CD34: variants seen among roughly 807,000 people sequenced by gnomAD.
CD34 encodes the protein hematopoietic progenitor cell antigen CD34.
Under a neutral mutation model 40.1 loss-of-function variants are expected in CD34, and 34 were observed. The observed-to-expected ratio is 0.85, with a 90% CI of 0.65 to 1.13. CD34 has a LOEUF of 1.13. Among genes scored for constraint, CD34 ranks in the 50% most tolerant of loss-of-function variants. The pLI is 0.00. For synonymous variants in CD34, 209 were observed against 190.0 expected (o/e 1.10, Z -0.82); for missense variants, 426 against 466.9 (o/e 0.91, Z 0.81).
intron 1 of CD34, among the ~76,000 whole-genome samples, chr1:207,901,122 G>A (rs543856784): frequency 6.6e-6 from 1 of 151,056 alleles, no homozygotes; most frequent in African/African-American, 2.4e-5. Context: ...CTCCTGTCTT[G>A]GCCTCCCAAA....
chr1:207,910,894 A>C, intron 1 of CD34, 108 bp downstream of exon 1: 2 of 1,137,276 alleles, frequency 1.8e-6, no homozygotes, highest in Non-Finnish European at 2.5e-6. Flanking sequence ...TGGGTTGGGC[A>C]GGGGTCCCTT....
chr1:207,897,156 A>G (rs1329625329), intron 4 of CD34, among the ~76,000 whole-genome samples: 2 of 152,220 alleles, frequency 1.3e-5, no homozygotes, highest in Non-Finnish European at 1.5e-5. Flanking sequence ...TTTCTTAACC[A>G]AAAAGCAACT....
At chr1:207,892,129 C>T (rs1662049855) in intron 4 of CD34, among the ~76,000 whole-genome samples, 1 of 145,024 alleles carries the variant, frequency 6.9e-6, no homozygotes, top group African/African-American at 2.5e-5. Flanking sequence ...AACTCAGTTT[C>T]TACCTCCTCA....
intron 1 of CD34, among the ~76,000 whole-genome samples, chr1:207,909,194 C>T (rs1008386340): frequency 1.3e-5 from 2 of 152,170 alleles, no homozygotes; most frequent in African/African-American, 4.8e-5. Context: ...GCATATCAGT[C>T]CAAAGTTTTG....
At chr1:207,907,210 A>G (rs566212614) in intron 1 of CD34, among the ~76,000 whole-genome samples, 37 of 152,124 alleles carry the variant, frequency 2.4e-4, no homozygotes, top group African/African-American at 8.2e-4. Context: ...AATATTAGAC[A>G]TTACTGTGCT....
chr1:207,894,119 T>A (rs1662093481), intron 4 of CD34, among the ~76,000 whole-genome samples: 1 of 152,216 alleles, frequency 6.6e-6, no homozygotes, highest in Non-Finnish European at 1.5e-5. Flanking sequence ...AAAGCAGTAT[T>A]ATTCACATTA....
At chr1:207,897,460 G>A (rs575230106) in intron 4 of CD34, 33 bp downstream of exon 4, 116 of 1,439,906 alleles carry the variant, frequency 8.1e-5, no homozygotes, top group East Asian at 4.4e-4. Flanking sequence ...GGACAGGGGC[G>A]GGAGGAAGAG....
At chr1:207,888,604 C>T in intron 7 of CD34, 78 bp downstream of exon 7, 1 of 1,407,070 alleles carries the variant, frequency 7.1e-7, no homozygotes. Context: ...ATTTCTCCTC[C>T]TGCTCCATGA....
chr1:207,909,628 C>T (rs1361821547), intron 1 of CD34, among the ~76,000 whole-genome samples: 2 of 152,090 alleles, frequency 1.3e-5, no homozygotes, highest in African/African-American at 2.4e-5. Flanking sequence ...AGGATGGTCT[C>T]GATCTCTTGA....
intron 1 of CD34, among the ~76,000 whole-genome samples, chr1:207,910,744 T>C (rs1571783905): frequency 6.6e-6 from 1 of 152,308 alleles, no homozygotes; most frequent in East Asian, 1.9e-4. Context: ...CTCAGTCCAT[T>C]GGAACCAGTC....
rs890496405 is a variant in CD34 at position 207,895,775 on chromosome 1, T to C, written c.597+1718A>G. 4.6e-5 allele frequency among the ~76,000 whole-genome samples: 7 copies of C among 152,196 alleles called. No homozygotes were observed. In the East Asian group the frequency reaches 5.8e-4, roughly 13 times the overall value. On this transcript the variant is annotated intron_variant, in intron 4 of 7. Transcript: ENST00000310833. ...CCTGTGTGATACACAGCAAAATGTA[T>C]GCTCCACCAAGTCGATGGGGTTGCA... is the stretch of plus-strand genomic sequence containing the variant.
intron 4 of CD34, among the ~76,000 whole-genome samples, chr1:207,897,025 A>G (rs536787379): frequency 3.3e-5 from 5 of 152,280 alleles, no homozygotes; most frequent in African/African-American, 1.2e-4. Flanking sequence ...ATATAACATT[A>G]CAGCAAAATA....
At chr1:207,909,483 G>C (rs1048377678) in intron 1 of CD34, among the ~76,000 whole-genome samples, 6 of 151,802 alleles carry the variant, frequency 4.0e-5, no homozygotes, top group African/African-American at 9.7e-5. Flanking sequence ...ATCTTGGCTC[G>C]CTGCAACCTC....
chr1:207,905,356 A>G (rs1039491843), intron 1 of CD34, among the ~76,000 whole-genome samples: 10 of 152,200 alleles, frequency 6.6e-5, no homozygotes, highest in African/African-American at 2.2e-4. Flanking sequence ...AGCTGGTCTC[A>G]AACTCCTGAC....
chr1:207,906,805 T>G (rs1662391669), intron 1 of CD34, among the ~76,000 whole-genome samples: 1 of 152,090 alleles, frequency 6.6e-6, no homozygotes, highest in Non-Finnish European at 1.5e-5. Flanking sequence ...GATCACACCA[T>G]TGTACTCCAG....
intron 1 of CD34, among the ~76,000 whole-genome samples, chr1:207,900,768 C>A (rs1475672030): frequency 6.6e-6 from 1 of 152,176 alleles, no homozygotes; most frequent in African/African-American, 2.4e-5. Context: ...TTTGTTCTGG[C>A]TCTTCCAATA....
chr1:207,898,377 C>T (rs192900290), intron 3 of CD34, among the ~76,000 whole-genome samples: 1 of 152,240 alleles, frequency 6.6e-6, no homozygotes, highest in African/African-American at 2.4e-5. Flanking sequence ...GCAGAAAGAT[C>T]CCTCGGGCAT....
rs1186561855 is a variant in CD34 at position 207,884,213 on chromosome 1, G to A, written c.*3525C>T. On this transcript the variant is annotated 3_prime_UTR_variant, in exon 8 of 8. Transcript: ENST00000310833. ...ACCTGCTTCTCCACTTCATTCAAGTGAAGCTGTGCTCTCCACTGTTATTTT... is the reference window on the plus strand; with the variant it reads ...ACCTGCTTCTCCACTTCATTCAAGTAAAGCTGTGCTCTCCACTGTTATTTT... 1 of 152,186 alleles carries A rather than the reference G, an allele frequency of 6.6e-6. No individual in the cohort carries two copies. 9.4% of individuals were successfully genotyped at this position (152,186 alleles called of 1,614,324 possible).
At chr1:207,900,077 G>C (rs1335612131) in intron 1 of CD34, 74 bp from the exon 2 acceptor site, 1 of 1,177,316 alleles carries the variant, frequency 8.5e-7, no homozygotes, top group African/African-American at 1.5e-5. Flanking sequence ...GCAATTTCCT[G>C]ACTTCAGGTA....
Sources: allele counts gnomAD v4.1 joint callset (sites outside exome capture counted in the v4.1 genomes callset), GRCh38; gene constraint gnomAD v4.1.1; transcripts MANE v1.5; gene names NCBI Gene and HGNC (gene_info 2026-07-23, HGNC 2026-07-21).